The following SLC4A10 variants were observed in gnomAD, a reference collection of about 807,000 sequenced individuals.
SLC4A10 encodes sodium-driven chloride bicarbonate exchanger.
A neutral mutation model predicts 137.7 loss-of-function variants in SLC4A10; 42 were observed. That is an observed-to-expected ratio of 0.30 (90% CI 0.24 to 0.39). The LOEUF (loss-of-function observed/expected upper bound fraction) is 0.39. Among genes scored for constraint, SLC4A10 ranks in the 10% least tolerant of loss-of-function variants. The pLI, the probability that SLC4A10 is intolerant of heterozygous loss-of-function variation, is 1.00. For synonymous variants in SLC4A10, 474 were observed against 464.1 expected, an observed-to-expected ratio of 1.02 and a Z score of -0.27; for missense variants, 925 against 1,355.0, an observed-to-expected ratio of 0.68 and a Z score of 4.98.
intron 1 of SLC4A10, among the ~76,000 whole-genome samples, chr2:161,644,114 T>A (rs777094482): frequency 6.6e-6 from 1 of 151,554 alleles, no homozygotes; most frequent in Non-Finnish European, 1.5e-5. Context: ...TAGATACTTA[T>A]ATGCATATAT....
rs190879520 is a variant in SLC4A10, at chr2:161,679,169, T to G, written c.48+54603T>G. Among the ~76,000 whole-genome samples, 5 of 152,264 alleles carry G rather than the reference T, an allele frequency of 3.3e-5. No homozygotes were observed. In the East Asian group the frequency reaches 9.7e-4, roughly 29 times the overall value. ...ATTCTGGTATTTAGTGACATGGATA[T>G]TTTATGTACAGGGGAAATTTAAAGA... On this transcript the variant is annotated intron_variant, in intron 1 of 26. Transcript: ENST00000446997.
intron 1 of SLC4A10, chr2:161,710,847 G>C: frequency 3.5e-6 from 1 of 288,204 alleles, no homozygotes; most frequent in Non-Finnish European, 7.1e-6. Flanking sequence ...TTGGTGTTAT[G>C]AGGAATGCAG....
intron 1 of SLC4A10, among the ~76,000 whole-genome samples, chr2:161,697,822 G>T (rs2042703694): frequency 6.6e-6 from 1 of 152,182 alleles, no homozygotes; most frequent in Admixed American, 6.5e-5. Context: ...CTTTAAAGTA[G>T]TTTTTTTCCA....
intron 3 of SLC4A10, among the ~76,000 whole-genome samples, chr2:161,819,430 T>G (rs1039096956): frequency 6.6e-6 from 1 of 152,112 alleles, no homozygotes; most frequent in Admixed American, 6.6e-5. Flanking sequence ...TTTAGATGAA[T>G]GTGATGATGT....
At chr2:161,641,012 T>A (rs1426658409) in intron 1 of SLC4A10, among the ~76,000 whole-genome samples, 1 of 152,168 alleles carries the variant, frequency 6.6e-6, no homozygotes, top group Non-Finnish European at 1.5e-5. Context: ...TCATTACAGA[T>A]CCTCTCTAGA....
At chr2:161,757,307 T>C (rs778777304) in intron 1 of SLC4A10, among the ~76,000 whole-genome samples, 6 of 152,182 alleles carry the variant, frequency 3.9e-5, no homozygotes, top group Non-Finnish European at 7.4e-5. Context: ...TGACATTGTT[T>C]CATCTTAATT....
chr2:161,688,176 C>T (rs1031959996), intron 1 of SLC4A10, among the ~76,000 whole-genome samples: 4 of 152,018 alleles, frequency 2.6e-5, no homozygotes, highest in African/African-American at 7.2e-5. Context: ...TCAAAGAAAA[C>T]AGTAAAAGTG....
intron 1 of SLC4A10, among the ~76,000 whole-genome samples, chr2:161,689,010 T>G (rs1045091948): frequency 6.6e-6 from 1 of 152,130 alleles, no homozygotes; most frequent in African/African-American, 2.4e-5. Flanking sequence ...AACAAAAATT[T>G]TTAAAAATAG....
intron 3 of SLC4A10, among the ~76,000 whole-genome samples, chr2:161,835,850 G>A (rs953483604): frequency 2.0e-5 from 3 of 152,168 alleles, no homozygotes; most frequent in Non-Finnish European, 4.4e-5. Flanking sequence ...GCTTTGTAAG[G>A]GAAACCTTTA....
At chr2:161,658,538 CA>C (rs1246968796) in intron 1 of SLC4A10, among the ~76,000 whole-genome samples, 1 of 149,642 alleles carries the variant, frequency 6.7e-6, no homozygotes, top group East Asian at 2.0e-4. Flanking sequence ...TGACCACCAA[CA>C]AAAAGTATTG....
chr2:161,771,870 G>A (rs905826214), intron 2 of SLC4A10, among the ~76,000 whole-genome samples: 4 of 151,878 alleles, frequency 2.6e-5, no homozygotes, highest in Non-Finnish European at 5.9e-5. Context: ...AAAAGTAAAA[G>A]CAAGGTGATC....
intron 1 of SLC4A10, among the ~76,000 whole-genome samples, chr2:161,685,890 G>A (rs1467988444): frequency 6.6e-6 from 1 of 152,078 alleles, no homozygotes; most frequent in Non-Finnish European, 1.5e-5. Flanking sequence ...TGGAGATTTT[G>A]TACTATAAAG....
chr2:161,784,969 A>T (rs1026051786), intron 2 of SLC4A10, among the ~76,000 whole-genome samples: 9 of 151,492 alleles, frequency 5.9e-5, no homozygotes, highest in East Asian at 1.9e-4. Context: ...GTTTTTTTTT[A>T]AAAGATAAAA....
intron 6 of SLC4A10, among the ~76,000 whole-genome samples, chr2:161,869,921 A>G (rs894543611): frequency 2.3e-4 from 35 of 151,454 alleles, no homozygotes; most frequent in African/African-American, 7.7e-4. Context: ...CATTCTATAC[A>G]CATACCTAGA....
intron 16 of SLC4A10, among the ~76,000 whole-genome samples, chr2:161,943,126 G>C (rs1321215145): frequency 6.6e-6 from 1 of 152,024 alleles, no homozygotes; most frequent in African/African-American, 2.4e-5. Flanking sequence ...CACTTATACA[G>C]AAATATGTGA....
chr2:161,871,717 A>G (rs1053491427), intron 6 of SLC4A10, among the ~76,000 whole-genome samples: 1 of 152,170 alleles, frequency 6.6e-6, no homozygotes, highest in African/African-American at 2.4e-5. Context: ...GCATAAAATC[A>G]TATCCATAGT....
intron 15 of SLC4A10, among the ~76,000 whole-genome samples, chr2:161,913,724 A>G (rs1686420322): frequency 6.6e-6 from 1 of 152,134 alleles, no homozygotes; most frequent in Non-Finnish European, 1.5e-5. Context: ...TTTGTCTTCA[A>G]TGTAATGCTT....
At chr2:161,743,389 T>C (rs2048104914) in intron 1 of SLC4A10, among the ~76,000 whole-genome samples, 1 of 152,198 alleles carries the variant, frequency 6.6e-6, no homozygotes, top group African/African-American at 2.4e-5. Flanking sequence ...CTTTCTCCAA[T>C]GTATGTTCTT....
intron 18 of SLC4A10, among the ~76,000 whole-genome samples, chr2:161,950,012 CT>C (rs924310466): frequency 9.9e-5 from 15 of 151,932 alleles, no homozygotes; most frequent in Admixed American, 3.9e-4. Flanking sequence ...CTGGGGACTT[CT>C]ATATAGGGCT....
Sources: allele counts gnomAD v4.1 joint callset (sites outside exome capture counted in the v4.1 genomes callset), GRCh38; gene constraint gnomAD v4.1.1; transcripts MANE v1.5; gene names NCBI Gene and HGNC (gene_info 2026-07-23, HGNC 2026-07-21).